Variants in NREP observed in about 807,000 individuals in gnomAD.
NREP encodes the protein neuronal regeneration-related protein.
NREP carries 5 observed loss-of-function variants against 8.6 expected under a neutral mutation model. The observed-to-expected ratio is 0.58, with a 90% CI of 0.30 to 1.22. NREP has a LOEUF of 1.22. NREP is among the 50% of genes most tolerant of loss of function. The probability of loss-of-function intolerance (pLI) is 0.07; values close to 1 mark genes in which losing one functional copy is unlikely to be tolerated. For missense variants in NREP, 86 were observed against 82.5 expected, an observed-to-expected ratio of 1.04 and a Z score of -0.17; for synonymous variants, 27 against 28.0, an observed-to-expected ratio of 0.96 and a Z score of 0.11.
chr5:111,754,144 A>G (rs1414281322), intron 2 of NREP, among the ~76,000 whole-genome samples: 1 of 152,204 alleles, frequency 6.6e-6, no homozygotes, highest in African/African-American at 2.4e-5. Context: ...GTGATTCCCC[A>G]TTCTGCCACC....
chr5:111,869,648 A>G (rs1378962715), intron 2 of NREP, among the ~76,000 whole-genome samples: 1 of 152,168 alleles, frequency 6.6e-6, no homozygotes, highest in Non-Finnish European at 1.5e-5. Context: ...GAGAGAAAGA[A>G]AACGGAATCA....
chr5:111,806,460 G>A (rs1752143015), intron 2 of NREP, among the ~76,000 whole-genome samples: 1 of 152,098 alleles, frequency 6.6e-6, no homozygotes, highest in Non-Finnish European at 1.5e-5. Flanking sequence ...TTCATATTCT[G>A]TCACAGTAAA....
intron 2 of NREP, among the ~76,000 whole-genome samples, chr5:111,867,434 C>G (rs1341514248): frequency 6.6e-6 from 1 of 152,106 alleles, no homozygotes; most frequent in African/African-American, 2.4e-5. Context: ...CTCTCTCCCC[C>G]TCCCTCCCTA....
intron 2 of NREP, among the ~76,000 whole-genome samples, chr5:111,955,009 C>T (rs558659494): frequency 6.6e-6 from 1 of 152,090 alleles, no homozygotes; most frequent in African/African-American, 2.4e-5. Flanking sequence ...AATGAAGATG[C>T]ATGAGGAAGA....
intron 2 of NREP, among the ~76,000 whole-genome samples, chr5:111,823,020 C>T (rs746925069): frequency 6.6e-6 from 1 of 152,208 alleles, no homozygotes; most frequent in Admixed American, 6.5e-5. Context: ...GGTTCTGAAT[C>T]TGGAAAAGTT....
At chr5:111,802,671 A>G (rs1581128875) in intron 2 of NREP, among the ~76,000 whole-genome samples, 1 of 152,376 alleles carries the variant, frequency 6.6e-6, no homozygotes, top group East Asian at 1.9e-4. Flanking sequence ...ACAAATCAAC[A>G]TGTCTTTCAG....
chr5:111,952,982 A>G (rs1163483585), intron 2 of NREP, among the ~76,000 whole-genome samples: 2 of 152,072 alleles, frequency 1.3e-5, no homozygotes, highest in Non-Finnish European at 2.9e-5. Context: ...TGAAGACATG[A>G]GTCCCTGCCT....
chr5:111,881,016 G>A (rs1436403208), intron 2 of NREP, among the ~76,000 whole-genome samples: 1 of 152,198 alleles, frequency 6.6e-6, no homozygotes, highest in Non-Finnish European at 1.5e-5. Context: ...GCCGAAGCAG[G>A]GCGAGGCATT....
At chr5:111,961,183 G>A (rs1756470911) in intron 2 of NREP, among the ~76,000 whole-genome samples, 1 of 152,170 alleles carries the variant, frequency 6.6e-6, no homozygotes, top group South Asian at 2.1e-4. Flanking sequence ...AGGTTCCCTG[G>A]CTGTCAGTCC....
At chr5:111,965,821 A>T (rs966091103) in intron 2 of NREP, among the ~76,000 whole-genome samples, 2 of 152,186 alleles carry the variant, frequency 1.3e-5, no homozygotes, top group African/African-American at 4.8e-5. Context: ...TTTTGTTTGT[A>T]TTGGGATTCA....
intron 2 of NREP, among the ~76,000 whole-genome samples, chr5:111,797,108 G>T (rs1203552341): frequency 1.3e-5 from 2 of 148,444 alleles, no homozygotes; most frequent in East Asian, 2.0e-4. Flanking sequence ...TAGATAGATA[G>T]ATATTTCAAA....
intron 2 of NREP, among the ~76,000 whole-genome samples, chr5:111,965,169 C>T (rs1035184154): frequency 2.0e-5 from 3 of 152,082 alleles, no homozygotes; most frequent in Non-Finnish European, 2.9e-5. Context: ...GAGAAGAAGC[C>T]ATCTCCTCTG....
At chr5:111,904,139 C>G (rs796150206) in intron 2 of NREP, among the ~76,000 whole-genome samples, 8 of 152,202 alleles carry the variant, frequency 5.3e-5, no homozygotes, top group African/African-American at 1.9e-4. Context: ...TCCTCCAACT[C>G]AGTTTCTTCT....
chr5:111,953,011 T>C (rs539900759), intron 2 of NREP, among the ~76,000 whole-genome samples: 68 of 152,212 alleles, frequency 4.5e-4, no homozygotes, highest in African/African-American at 1.6e-3. Context: ...CTAAGTCTTA[T>C]CACATGTACC....
intron 2 of NREP, among the ~76,000 whole-genome samples, chr5:111,933,938 C>A (rs984722672): frequency 1.3e-5 from 2 of 152,014 alleles, no homozygotes; most frequent in African/African-American, 2.4e-5. Context: ...CTAAAAAGAG[C>A]GAGGTTTGGT....
At chr5:111,778,730 G>C (rs1751421091) in intron 2 of NREP, among the ~76,000 whole-genome samples, 1 of 152,152 alleles carries the variant, frequency 6.6e-6, no homozygotes, top group Non-Finnish European at 1.5e-5. Flanking sequence ...GATTTCTTCA[G>C]AAAGTTGACA....
chr5:111,738,028 G>A lies in NREP; in HGVS notation c.4-2521C>T, dbSNP rs1749302574. On this transcript the variant is annotated intron_variant, in intron 2 of 3. Transcript: ENST00000257435. ...TAAGCCAAAAATGGCAGGGACAGAG[G>A]AGTCTCAGTTACATTCTTAAAACCT... Among the ~76,000 whole-genome samples the A allele has an allele frequency of 2.0e-5, 3 of 152,138 alleles. No individual in the cohort carries two copies. In the South Asian group the frequency reaches 6.2e-4, roughly 32 times the overall value.
intron 2 of NREP, among the ~76,000 whole-genome samples, chr5:111,736,395 G>T (rs1483234289): frequency 6.6e-6 from 1 of 152,182 alleles, no homozygotes; most frequent in African/African-American, 2.4e-5. Flanking sequence ...ATTGAAAGCA[G>T]AGTGAAATTA....
chr5:111,965,943 G>T (rs1581257748), intron 2 of NREP, among the ~76,000 whole-genome samples: 1 of 152,280 alleles, frequency 6.6e-6, no homozygotes, highest in East Asian at 1.9e-4. Flanking sequence ...TTGAAGAAAT[G>T]ATAGCACAGG....
Sources: gnomAD v4.1 joint callset for allele counts (sites outside exome capture counted in the v4.1 genomes callset) on GRCh38, gnomAD v4.1.1 for gene constraint, MANE v1.5 for transcripts, NCBI Gene and HGNC (gene_info 2026-07-23, HGNC 2026-07-21) for gene names.